CFAP69: variants seen among roughly 807,000 people sequenced by gnomAD.
CFAP69 encodes the protein cilia and flagella associated protein 69.
In CFAP69, 92 loss-of-function variants were observed where a neutral mutation model predicts 123.0. The observed-to-expected ratio is 0.75, with a 90% CI of 0.63 to 0.89. The LOEUF (loss-of-function observed/expected upper bound fraction) is 0.89, where lower values mean the gene tolerates loss of function less well. CFAP69 is among the 40% of genes least tolerant of loss of function. The pLI is 0.00. For missense variants in CFAP69, 1,067 were observed against 1,096.9 expected (o/e 0.97, Z 0.39); for synonymous variants, 380 against 364.3 (o/e 1.04, Z -0.49).
intron 5 of CFAP69, 130 bp downstream of exon 5, chr7:90,265,507 G>A: frequency 1.7e-6 from 1 of 596,208 alleles, no homozygotes; most frequent in Non-Finnish European, 3.0e-6. Context: ...TCTTGTTAGT[G>A]AATTAATCAC....
chr7:90,280,247 T>G (rs1206713247), intron 12 of CFAP69, among the ~76,000 whole-genome samples: 1 of 152,196 alleles, frequency 6.6e-6, no homozygotes, highest in African/African-American at 2.4e-5. Context: ...ACCCAGGCTA[T>G]AGTGCAATGG....
chr7:90,313,043 T>C (rs1794461917), downstream of CFAP69, among the ~76,000 whole-genome samples: 1 of 152,236 alleles, frequency 6.6e-6, no homozygotes. Context: ...CTTTCATCCA[T>C]CTGGCATCAT....
intron 18 of CFAP69, chr7:90,304,377 C>T: frequency 8.2e-7 from 1 of 1,216,570 alleles, no homozygotes; most frequent in South Asian, 2.7e-5. Flanking sequence ...GATGATTAAG[C>T]TTAAAATACT....
chr7:90,317,364 A>G, the CFAP69 span: 1 of 152,084 alleles, frequency 6.6e-6, no homozygotes, highest in South Asian at 2.1e-4. Context: ...ATGGACATAA[A>G]ATCACTCATG....
chr7:90,255,953 T>C (rs1047068555), intron 2 of CFAP69, among the ~76,000 whole-genome samples: 6 of 152,196 alleles, frequency 3.9e-5, no homozygotes, highest in South Asian at 4.1e-4. Flanking sequence ...AGACTCAAAA[T>C]TGGGAAAGCA....
intron 6 of CFAP69, among the ~76,000 whole-genome samples, chr7:90,268,621 C>T (rs1187694179): frequency 6.6e-6 from 1 of 151,722 alleles, no homozygotes; most frequent in African/African-American, 2.4e-5. Context: ...TAAAGTGATG[C>T]CCAATTTAGT....
the CFAP69 span, among the ~76,000 whole-genome samples, chr7:90,321,504 G>A: frequency 3.9e-5 from 6 of 152,304 alleles, no homozygotes; most frequent in East Asian, 5.8e-4. Flanking sequence ...TATGCCAAAG[G>A]CTCAGGGTCT....
chr7:90,255,876 C>T (rs1797584611), intron 2 of CFAP69, among the ~76,000 whole-genome samples: 1 of 152,030 alleles, frequency 6.6e-6, no homozygotes, highest in Non-Finnish European at 1.5e-5. Context: ...AACATGTACA[C>T]ATAGATAATT....
chr7:90,277,593 T>G (rs1336626983), intron 11 of CFAP69, among the ~76,000 whole-genome samples: 1 of 152,160 alleles, frequency 6.6e-6, no homozygotes, highest in African/African-American at 2.4e-5. Context: ...GTTAGATCTC[T>G]TGAATTAGAC....
At chr7:90,250,694 T>C (rs2116556764) in intron 1 of CFAP69, among the ~76,000 whole-genome samples, 1 of 152,284 alleles carries the variant, frequency 6.6e-6, no homozygotes, top group Non-Finnish European at 1.5e-5. Context: ...CATATGTATG[T>C]TCTGTTTTGT....
At chr7:90,316,698 AG>A in the CFAP69 span, 5 of 152,252 alleles carry the variant, frequency 3.3e-5, no homozygotes, top group Admixed American at 2.6e-4. Flanking sequence ...ATCATCAAAA[AG>A]CTTAAGATGA....
At chr7:90,305,618 C>T (rs933380450) in intron 19 of CFAP69, among the ~76,000 whole-genome samples, 1 of 151,606 alleles carries the variant, frequency 6.6e-6, no homozygotes, top group Non-Finnish European at 1.5e-5. Flanking sequence ...CTTGGGAGGC[C>T]GAGGTGGGTG....
intron 11 of CFAP69, 95 bp from the exon 12 acceptor site, chr7:90,279,581 TC>T: frequency 1.5e-6 from 1 of 664,938 alleles, no homozygotes; most frequent in Non-Finnish European, 2.4e-6. Flanking sequence ...TTTGAAATAA[TC>T]CCCAATAAAA....
At chr7:90,323,350 G>A in the CFAP69 span, among the ~76,000 whole-genome samples, 2 of 152,132 alleles carry the variant, frequency 1.3e-5, no homozygotes, top group Admixed American at 6.5e-5. Flanking sequence ...AAAGCATAAA[G>A]AATCAGAATA....
In CFAP69 at chr7:90,306,881, G is replaced by T. The variant is rs866554643; in HGVS notation, c.2266-20G>T. 9.3e-6 allele frequency: 13 copies of T among 1,404,462 alleles called. No homozygotes were observed. The highest frequency in any genetic ancestry group is 1.3e-5 in the Non-Finnish European group (13 of 1,010,550). The allele number at this position is 1,404,462 out of a possible 1,614,324, so 87.0% of individuals were successfully genotyped here. On this transcript the variant is annotated intron_variant, in intron 19 of 22. Coordinates refer to ENST00000389297, the MANE Select transcript of CFAP69 (RefSeq NM_001039706.3). The stretch of plus-strand genomic sequence containing the variant: ...ATTTGTTTTTGGTTAATTTAACTTT[G>T]TTAAACTTTGTTATAACAGATTGGA...
intron 19 of CFAP69, 136 bp from the exon 20 acceptor site, chr7:90,306,765 C>T (rs1277694855): frequency 1.6e-6 from 1 of 641,584 alleles, no homozygotes; most frequent in East Asian, 2.8e-5. Context: ...ATTCCCAATG[C>T]ACTTATTCCC....
chr7:90,311,561 C>T, downstream of CFAP69, among the ~76,000 whole-genome samples: 1 of 152,300 alleles, frequency 6.6e-6, no homozygotes, highest in African/African-American at 2.4e-5. Flanking sequence ...TAAGAGCAGG[C>T]TCTATCACCT....
chr7:90,246,288 A>G (rs946634084), intron 1 of CFAP69, among the ~76,000 whole-genome samples: 1 of 152,184 alleles, frequency 6.6e-6, no homozygotes, highest in Non-Finnish European at 1.5e-5. Context: ...GTTTCCTACT[A>G]GGATTCCATT....
chr7:90,266,328 T>C (rs532004986), intron 5 of CFAP69, among the ~76,000 whole-genome samples: 1 of 152,086 alleles, frequency 6.6e-6, no homozygotes, highest in South Asian at 2.1e-4. Context: ...AGGTTAAACA[T>C]GAAGGGGGCA....
Sources: allele counts gnomAD v4.1 joint callset (sites outside exome capture counted in the v4.1 genomes callset), GRCh38; gene constraint gnomAD v4.1.1; transcripts MANE v1.5; gene names NCBI Gene and HGNC (gene_info 2026-07-23, HGNC 2026-07-21).